Variants in ANKRD18B observed in about 807,000 individuals in gnomAD.
The protein encoded by ANKRD18B is ankyrin repeat domain 18B, also known as ankyrin repeat domain-containing protein 18B.
A neutral mutation model predicts 111.8 loss-of-function variants in ANKRD18B; 75 were observed. The ratio of observed to expected loss-of-function variants is 0.67; its 90% confidence interval spans 0.56 to 0.81. The LOEUF is 0.81. Ranked by LOEUF, ANKRD18B falls within the 40% of genes least tolerant of loss-of-function variation. The pLI is 0.00. For synonymous variants in ANKRD18B, 356 were observed against 417.3 expected, an observed-to-expected ratio of 0.85 and a Z score of 1.79; for missense variants, 1,038 against 1,225.5, an observed-to-expected ratio of 0.85 and a Z score of 2.28.
chr9:33,563,300 A>G (rs528192011), intron 14 of ANKRD18B, among the ~76,000 whole-genome samples: 1 of 152,304 alleles, frequency 6.6e-6, no homozygotes, highest in East Asian at 1.9e-4. Context: ...TGTGGTTTGG[A>G]AAAAGATTGG....
At chr9:33,546,938 C>T (rs775048826) in intron 10 of ANKRD18B, among the ~76,000 whole-genome samples, 8 of 152,082 alleles carry the variant, frequency 5.3e-5, no homozygotes, top group African/African-American at 9.7e-5. Flanking sequence ...CAGTTTCACT[C>T]GGCTCCTTGT....
chr9:33,546,758 G>A (rs148631466), intron 10 of ANKRD18B, among the ~76,000 whole-genome samples: 23,410 of 152,010 alleles, frequency 0.15, 1,906 homozygotes, highest in South Asian at 0.2. Flanking sequence ...CCACCTTAGG[G>A]GCTTTGGGTG....
Position 33,527,379 on chromosome 9 carries a change from T to C in ANKRD18B, c.207-1348T>C, listed in dbSNP as rs1463626493. ...CTCTGTCGCCTAGGCTGGAGTGCAG[T>C]GGCGTGATCTCAGCTCACTGCAACC... On this transcript the variant is annotated intron_variant, in intron 1 of 18. Transcript: ENST00000684830. 2.6e-5 allele frequency among the ~76,000 whole-genome samples: 4 copies of C among 152,254 alleles called. No homozygotes were observed. In the East Asian group the frequency reaches 7.7e-4, roughly 29 times the overall value.
downstream of ANKRD18B, chr9:33,574,348 C>A: frequency 6.3e-6 from 1 of 159,850 alleles, no homozygotes; most frequent in Non-Finnish European, 1.4e-5. Flanking sequence ...GGCCAGTTAG[C>A]CGATGTGTGA....
chr9:33,527,446 C>G (rs1161641622), intron 1 of ANKRD18B, among the ~76,000 whole-genome samples: 1 of 152,012 alleles, frequency 6.6e-6, no homozygotes, highest in Non-Finnish European at 1.5e-5. Flanking sequence ...CTCAGCCTCC[C>G]GAGTAGCTGG....
intron 11 of ANKRD18B, among the ~76,000 whole-genome samples, chr9:33,549,199 T>C (rs1828412742): frequency 6.6e-6 from 1 of 152,222 alleles, no homozygotes; most frequent in African/African-American, 2.4e-5. Context: ...ATAAATTCTA[T>C]AAATCATATT....
At chr9:33,525,969 GAACTCT>G (rs948207435) in intron 1 of ANKRD18B, among the ~76,000 whole-genome samples, 10 of 151,910 alleles carry the variant, frequency 6.6e-5, no homozygotes, top group African/African-American at 2.4e-4. Context: ...CACAAGAAAA[GAACTCT>G]AACAGTGAGC....
rs1828393973 is a variant in ANKRD18B at position 33,548,322 on chromosome 9, G to C, written c.1534G>C (p.Asp512His). Reference protein sequence around the residue: ...NEYNEILERKDLELVLWRADD... With the variant: ...NEYNEILERKHLELVLWRADD... ...GTACAATGAAATTTTGGAAAGAAAA[G>C]ACCTAGAACTAGTTTTATGGAGAGC... Residue 512 changes from aspartate to histidine, a missense_variant, in exon 11 of 19, where the codon GAC becomes CAC. This residue lies in a region of ANKRD18B where 205 missense variants were observed against 201.3 expected (regional missense o/e 1.02). Transcript: ENST00000684830. 1 of 1,549,410 alleles carries C rather than the reference G, an allele frequency of 6.5e-7. No homozygotes were observed. Among genetic ancestry groups the C allele is most frequent in the African/African-American group, 1.4e-5 (1 of 72,814 alleles).
chr9:33,547,165 C>T (rs866956950), intron 10 of ANKRD18B, among the ~76,000 whole-genome samples: 3 of 152,166 alleles, frequency 2.0e-5, no homozygotes, highest in African/African-American at 7.2e-5. Context: ...GCAGAAGACA[C>T]ATTTTATGCC....
intron 14 of ANKRD18B, among the ~76,000 whole-genome samples, chr9:33,564,767 G>A (rs1357576285): frequency 6.6e-6 from 1 of 151,794 alleles, no homozygotes; most frequent in Non-Finnish European, 1.5e-5. Flanking sequence ...CACATTGTAG[G>A]TTTGATTTGT....
Position 33,566,290 on chromosome 9 carries a change from T to A in ANKRD18B, c.2532T>A (p.Val844=), listed in dbSNP as rs1263055302. Residue 844 remains valine, a synonymous_variant, in exon 15 of 19, where the codon GTT becomes GTA. Coordinates refer to ENST00000684830, the MANE Select transcript of ANKRD18B (RefSeq NM_001393611.1). ...TCAATTTGGCCAAAGACAATGAAGTTCTTCATCAGGAGTTATTATCTATGG... is the reference window on the plus strand; with the variant it reads ...TCAATTTGGCCAAAGACAATGAAGTACTTCATCAGGAGTTATTATCTATGG... ...KCVNLAKDNE[V]LHQELLSMGK... is the part of the protein sequence containing the mutation. 1 of 1,561,174 alleles carries A rather than the reference T, an allele frequency of 6.4e-7. No homozygotes were observed. The highest frequency in any genetic ancestry group is 8.7e-7 in the Non-Finnish European group (1 of 1,150,388).
intron 9 of ANKRD18B, among the ~76,000 whole-genome samples, chr9:33,542,238 G>A (rs968960207): frequency 1.3e-5 from 2 of 150,018 alleles, no homozygotes; most frequent in Non-Finnish European, 3.0e-5. Flanking sequence ...AAGACCTGAT[G>A]TGCAGCTCAG....
chr9:33,559,850 G>C (rs1393196723), intron 14 of ANKRD18B, among the ~76,000 whole-genome samples: 1 of 152,014 alleles, frequency 6.6e-6, no homozygotes, highest in Non-Finnish European at 1.5e-5. Context: ...AAATATACAA[G>C]TCATTCAATT....
chr9:33,532,809 C>G (rs1828136337), intron 3 of ANKRD18B, among the ~76,000 whole-genome samples: 1 of 152,120 alleles, frequency 6.6e-6, no homozygotes, highest in East Asian at 1.9e-4. Flanking sequence ...CCCTGAAACT[C>G]TAGTTCCTAA....
chr9:33,529,913 C>T (rs139604452), intron 3 of ANKRD18B, among the ~76,000 whole-genome samples: 118 of 152,216 alleles, frequency 7.8e-4, no homozygotes, highest in African/African-American at 2.6e-3. Context: ...TTACCCATCC[C>T]GGCAAAAACA....
chr9:33,527,586 C>A (rs769719506), intron 1 of ANKRD18B, among the ~76,000 whole-genome samples: 8 of 152,316 alleles, frequency 5.3e-5, no homozygotes, highest in Non-Finnish European at 1.2e-4. Flanking sequence ...TCCCAAAATG[C>A]TGGGATTACA....
At chr9:33,546,637 G>C (rs149507505) in intron 10 of ANKRD18B, among the ~76,000 whole-genome samples, 3,867 of 152,188 alleles carry the variant, frequency 0.025, 165 homozygotes, top group African/African-American at 0.087. Flanking sequence ...TTTTGCCAAA[G>C]TCACACTTTT....
rs1001596578 is a variant in ANKRD18B, at chr9:33,534,584, T to C, written c.740+77T>C. 52 of 1,425,526 alleles carry C rather than the reference T, an allele frequency of 3.6e-5. No individual in the cohort carries two copies. In the African/African-American group the frequency reaches 7.0e-4, roughly 19 times the overall value. 88.3% of individuals were successfully genotyped at this position (1,425,526 alleles called of 1,614,324 possible). On this transcript the variant is annotated intron_variant, in intron 5 of 18. Coordinates refer to ENST00000684830, the MANE Select transcript of ANKRD18B (RefSeq NM_001393611.1). Reference sequence around the variant, plus strand: ...ATTATAACTATTGCATCTTATACATTAGGTGACAGTTCATAGTTTGGTTGA... The same window carrying C: ...ATTATAACTATTGCATCTTATACATCAGGTGACAGTTCATAGTTTGGTTGA...
chr9:33,554,078 A>C (rs143922309), intron 12 of ANKRD18B, among the ~76,000 whole-genome samples: 1 of 151,806 alleles, frequency 6.6e-6, no homozygotes, highest in Non-Finnish European at 1.5e-5. Context: ...TCTCAAAAAA[A>C]AAATAAATAA....
Sources: gnomAD v4.1 joint callset for allele counts (sites outside exome capture counted in the v4.1 genomes callset) on GRCh38, gnomAD v4.1.1 for gene constraint, gnomAD v4.1.1 regional missense constraint, MANE v1.5 for transcripts, NCBI Gene and HGNC (gene_info 2026-07-23, HGNC 2026-07-21) for gene names.